Variants in COL23A1 observed in about 807,000 individuals in gnomAD.
The protein encoded by COL23A1 is collagen type XXIII alpha 1 chain, also known as collagen alpha-1(XXIII) chain.
COL23A1 carries 97 observed loss-of-function variants against 99.3 expected under a neutral mutation model. The observed-to-expected ratio is 0.98, with a 90% CI of 0.83 to 1.16. The LOEUF is 1.16. Among genes scored for constraint, COL23A1 ranks in the 50% most tolerant of loss-of-function variants. COL23A1 has a pLI of 0.00. For missense variants in COL23A1, 762 were observed against 757.4 expected (o/e 1.01, Z -0.07); for synonymous variants, 320 against 308.2 (o/e 1.04, Z -0.40).
intron 2 of COL23A1, among the ~76,000 whole-genome samples, chr5:178,549,816 A>G (rs1409461010): frequency 8.2e-6 from 1 of 121,988 alleles, no homozygotes; most frequent in Admixed American, 8.5e-5. Flanking sequence ...ATCCTGTCTC[A>G]AAAAACAAAA....
At chr5:178,330,520 G>T (rs531190951) in intron 2 of COL23A1, among the ~76,000 whole-genome samples, 56 of 152,246 alleles carry the variant, frequency 3.7e-4, no homozygotes, top group African/African-American at 1.1e-3. Flanking sequence ...GTACATATAT[G>T]GTGTGCACCT....
chr5:178,282,847 C>G (rs887540490), intron 5 of COL23A1, among the ~76,000 whole-genome samples: 2 of 151,944 alleles, frequency 1.3e-5, no homozygotes, highest in African/African-American at 4.8e-5. Context: ...CAGTCTATCT[C>G]TGGGGACAAG....
intron 2 of COL23A1, among the ~76,000 whole-genome samples, chr5:178,324,126 G>C (rs1175491586): frequency 6.6e-6 from 1 of 152,064 alleles, no homozygotes; most frequent in African/African-American, 2.4e-5. Context: ...AGGGGTGTGG[G>C]TGGGCTGAGG....
At chr5:178,549,595 C>T (rs1289835117) in intron 2 of COL23A1, among the ~76,000 whole-genome samples, 2 of 152,046 alleles carry the variant, frequency 1.3e-5, no homozygotes, top group African/African-American at 4.8e-5. Context: ...GTGGGCAGAT[C>T]ACCTGAGGTC....
Position 178,385,144 on chromosome 5 carries a change from G to T in COL23A1, c.362-78225C>A, listed in dbSNP as rs1020611092. Among the ~76,000 whole-genome samples the T allele has an allele frequency of 2.0e-4, 31 of 152,168 alleles. 1 individual carries two copies. The highest frequency in any genetic ancestry group is 7.5e-4 in the African/African-American group (31 of 41,444). ...CCACAGCTATAGGAGTGTGGGACTT[G>T]CTGTCTCCTGGGCTCTCACTCCTCA... On this transcript the variant is annotated intron_variant, in intron 2 of 28. Coordinates refer to ENST00000390654, the MANE Select transcript of COL23A1 (RefSeq NM_173465.4).
chr5:178,550,200 C>A (rs1426912558), intron 2 of COL23A1, among the ~76,000 whole-genome samples: 1 of 152,114 alleles, frequency 6.6e-6, no homozygotes, highest in East Asian at 1.9e-4. Flanking sequence ...AGTTTTTGCC[C>A]AAATATGTAA....
At chr5:178,486,663 G>A (rs1387079127) in intron 2 of COL23A1, among the ~76,000 whole-genome samples, 3 of 152,166 alleles carry the variant, frequency 2.0e-5, no homozygotes, top group South Asian at 2.1e-4. Flanking sequence ...AGGGAGAGCC[G>A]GGTGAAAAAG....
intron 2 of COL23A1, among the ~76,000 whole-genome samples, chr5:178,552,990 G>A (rs1762084522): frequency 6.6e-6 from 1 of 152,004 alleles, no homozygotes; most frequent in Non-Finnish European, 1.5e-5. Flanking sequence ...TTACAGGCGT[G>A]AGCCACTGCG....
At chr5:178,513,909 A>T (rs1759359060) in intron 2 of COL23A1, among the ~76,000 whole-genome samples, 1 of 152,126 alleles carries the variant, frequency 6.6e-6, no homozygotes, top group Admixed American at 6.5e-5. Flanking sequence ...GTAAGATTAA[A>T]ATTTTGCCAT....
intron 2 of COL23A1, among the ~76,000 whole-genome samples, chr5:178,481,671 A>C (rs1757346109): frequency 6.6e-6 from 1 of 152,234 alleles, no homozygotes; most frequent in African/African-American, 2.4e-5. Flanking sequence ...AAACCACAAG[A>C]TACCACTTCA....
intron 2 of COL23A1, among the ~76,000 whole-genome samples, chr5:178,515,621 A>T (rs1759458741): frequency 6.6e-6 from 1 of 152,058 alleles, no homozygotes; most frequent in Non-Finnish European, 1.5e-5. Flanking sequence ...CAACCTTCTC[A>T]GCCTCTAATA....
intron 2 of COL23A1, among the ~76,000 whole-genome samples, chr5:178,423,229 C>T (rs1765730361): frequency 6.6e-6 from 1 of 152,152 alleles, no homozygotes; most frequent in South Asian, 2.1e-4. Context: ...AAGTGATCCT[C>T]CAGTCTCAGC....
intron 3 of COL23A1, among the ~76,000 whole-genome samples, chr5:178,302,870 A>G (rs1238812002): frequency 6.6e-6 from 1 of 152,204 alleles, no homozygotes; most frequent in Non-Finnish European, 1.5e-5. Context: ...GTGCTTTTCC[A>G]TGGAGCTGCC....
At chr5:178,251,045 CAG>C (rs1351861102) in intron 17 of COL23A1, among the ~76,000 whole-genome samples, 2 of 113,154 alleles carry the variant, frequency 1.8e-5, no homozygotes, top group Non-Finnish European at 3.5e-5. Flanking sequence ...TTTTTTGAGA[CAG>C]AGTCTTGCTA....
chr5:178,344,645 A>C (rs113430736), intron 2 of COL23A1, among the ~76,000 whole-genome samples: 7,260 of 152,110 alleles, frequency 0.048, 239 homozygotes, highest in Non-Finnish European at 0.074. Flanking sequence ...TCTGTCTCAA[A>C]AAAAAAAGAA....
chr5:178,345,241 T>TA (rs1258851016), intron 2 of COL23A1: 16 of 829,060 alleles, frequency 1.9e-5, no homozygotes, highest in African/African-American at 3.4e-5. Context: ...ATAATGTCCC[T>TA]ATTCAAGACA....
rs73346845 is a variant in COL23A1, at chr5:178,343,019, C to T, written c.362-36100G>A. 9.3e-3 allele frequency among the ~76,000 whole-genome samples: 1,412 copies of T among 152,264 alleles called. 15 individuals are homozygous for T. The highest frequency in any genetic ancestry group is 0.032 in the African/African-American group (1,343 of 41,562). On this transcript the variant is annotated intron_variant, in intron 2 of 28. Transcript: ENST00000390654. ...GGGGAGGAATAATGGTTTTGAGTAC[C>T]GAAGTGAACACTGAAATTTTGAGTA...
chr5:178,441,483 G>C (rs892885441), intron 2 of COL23A1, among the ~76,000 whole-genome samples: 1 of 152,096 alleles, frequency 6.6e-6, no homozygotes, highest in Non-Finnish European at 1.5e-5. Context: ...GGCAACTGCA[G>C]AGCCGGAAAC....
chr5:178,504,051 CA>C (rs1758728097), intron 2 of COL23A1, among the ~76,000 whole-genome samples: 1 of 152,144 alleles, frequency 6.6e-6, no homozygotes, highest in South Asian at 2.1e-4. Flanking sequence ...GAGTTCACCT[CA>C]TCTCAGGAAA....
Sources: allele counts gnomAD v4.1 joint callset (sites outside exome capture counted in the v4.1 genomes callset), GRCh38; gene constraint gnomAD v4.1.1; transcripts MANE v1.5; gene names NCBI Gene and HGNC (gene_info 2026-07-23, HGNC 2026-07-21).